NEBL: variants seen among roughly 807,000 people sequenced by gnomAD.
NEBL encodes nebulette.
A neutral mutation model predicts 140.2 loss-of-function variants in NEBL; 122 were observed. The ratio of observed to expected loss-of-function variants is 0.87; its 90% CI spans 0.75 to 1.01. The LOEUF (loss-of-function observed/expected upper bound fraction) is 1.01. NEBL is among the 50% of genes least tolerant of loss of function. The pLI, the probability that NEBL is intolerant of heterozygous loss-of-function variation, is 0.00. For missense variants in NEBL, 1,365 were observed against 1,231.3 expected, an observed-to-expected ratio of 1.11 and a Z score of -1.62; for synonymous variants, 436 against 398.9, an observed-to-expected ratio of 1.09 and a Z score of -1.11.
intron 2 of NEBL, among the ~76,000 whole-genome samples, chr10:21,045,717 G>A (rs1371185553): frequency 6.6e-6 from 1 of 152,162 alleles, no homozygotes; most frequent in Non-Finnish European, 1.5e-5. Flanking sequence ...GACAACACAT[G>A]TTGGCAAGGA....
chr10:21,218,269 C>A (rs946798919), intron 3 of NEBL: 1 of 152,196 alleles, frequency 6.6e-6, no homozygotes, highest in Non-Finnish European at 1.5e-5. Context: ...CCAGCCCCAC[C>A]GTTACCATCG....
chr10:21,255,857 C>A (rs1298189418), intron 1 of NEBL, among the ~76,000 whole-genome samples: 1 of 151,518 alleles, frequency 6.6e-6, no homozygotes, highest in African/African-American at 2.4e-5. Flanking sequence ...ATTAGCCAGG[C>A]GTGGGTCCCA....
At chr10:20,959,109 G>A (rs1835937431) in intron 4 of NEBL, among the ~76,000 whole-genome samples, 1 of 152,104 alleles carries the variant, frequency 6.6e-6, no homozygotes. Context: ...AGGCAGCTAA[G>A]AAAGAGCCAC....
intron 2 of NEBL, among the ~76,000 whole-genome samples, chr10:21,082,461 G>C (rs1836410630): frequency 6.8e-6 from 1 of 147,678 alleles, no homozygotes; most frequent in South Asian, 2.2e-4. Flanking sequence ...ACTTTCAAGT[G>C]ATTTCAGGAA....
chr10:21,277,931 A>C (rs1224825841), intron 1 of NEBL, among the ~76,000 whole-genome samples: 1 of 152,136 alleles, frequency 6.6e-6, no homozygotes, highest in African/African-American at 2.4e-5. Flanking sequence ...AACTGGGAGT[A>C]ATTATAGCAC....
At chr10:20,819,202 T>C in intron 20 of NEBL, 1 of 882,524 alleles carries the variant, frequency 1.1e-6, no homozygotes, top group Non-Finnish European at 1.6e-6. Flanking sequence ...CTTTTCCGGA[T>C]CCTCTCCCTC....
chr10:21,103,590 A>T (rs538503920), intron 2 of NEBL, among the ~76,000 whole-genome samples: 1 of 152,196 alleles, frequency 6.6e-6, no homozygotes, highest in Non-Finnish European at 1.5e-5. Context: ...TATCTACTTA[A>T]TGACTAATGA....
chr10:21,222,947 G>A (rs1330726147), intron 3 of NEBL, among the ~76,000 whole-genome samples: 2 of 152,194 alleles, frequency 1.3e-5, no homozygotes, highest in East Asian at 1.9e-4. Context: ...ATTTTTAGTA[G>A]AGACAGGGTT....
chr10:21,047,688 GA>G (rs1322701501), intron 2 of NEBL, among the ~76,000 whole-genome samples: 3 of 152,088 alleles, frequency 2.0e-5, no homozygotes, highest in African/African-American at 7.2e-5. Flanking sequence ...AAAATAACCT[GA>G]ACAACTATTG....
Position 20,897,279 on chromosome 10 carries a change from A to G in NEBL, c.-74T>C. The G allele has an allele frequency of 1.6e-5, 25 of 1,518,494 alleles. No homozygotes were observed. The highest frequency in any genetic ancestry group is 2.1e-5 in the Non-Finnish European group (24 of 1,141,256). 94.1% of individuals were successfully genotyped at this position (1,518,494 alleles called of 1,614,324 possible). ...CCTTTTCCATACCACAGTGCCCTTGAGATGCTGACGTCTCTGGTGCTCTGG... is the reference window on the plus strand; with the variant it reads ...CCTTTTCCATACCACAGTGCCCTTGGGATGCTGACGTCTCTGGTGCTCTGG... On this transcript the variant is annotated 5_prime_UTR_variant, in exon 1 of 28. Transcript: ENST00000377122.
intron 2 of NEBL, among the ~76,000 whole-genome samples, chr10:21,047,835 G>A (rs1017803634): frequency 5.3e-5 from 8 of 152,250 alleles, no homozygotes; most frequent in South Asian, 2.1e-4. Context: ...CCGCATGCCC[G>A]AGCAATATTG....
chr10:20,976,337 TAAAA>T (rs34974239), intron 3 of NEBL, among the ~76,000 whole-genome samples: 2 of 131,476 alleles, frequency 1.5e-5, no homozygotes, highest in African/African-American at 5.6e-5. Context: ...GACTCTATAT[TAAAA>T]AAAAAAAAAA....
intron 2 of NEBL, among the ~76,000 whole-genome samples, chr10:21,101,377 A>G (rs1051354631): frequency 2.0e-5 from 3 of 152,208 alleles, no homozygotes; most frequent in Non-Finnish European, 4.4e-5. Flanking sequence ...CTCTGGCTAA[A>G]ACAATCCACG....
At chr10:20,797,619 A>G (rs752516467) in intron 26 of NEBL, among the ~76,000 whole-genome samples, 2 of 152,184 alleles carry the variant, frequency 1.3e-5, no homozygotes, top group Admixed American at 6.5e-5. Flanking sequence ...AGAGGGCCCA[A>G]ATTCTCTATG....
intron 3 of NEBL, among the ~76,000 whole-genome samples, chr10:21,216,580 G>A (rs1307268854): frequency 6.6e-6 from 1 of 152,088 alleles, no homozygotes; most frequent in Non-Finnish European, 1.5e-5. Context: ...ATACCAGCCT[G>A]GCCAACACAG....
At chr10:20,943,811 A>C (rs1273069700) in intron 4 of NEBL, among the ~76,000 whole-genome samples, 1 of 152,188 alleles carries the variant, frequency 6.6e-6, no homozygotes, top group East Asian at 1.9e-4. Flanking sequence ...TGACTTTAAG[A>C]GTCAAAGGTA....
At chr10:21,259,036 T>C (rs987317283) in intron 1 of NEBL, among the ~76,000 whole-genome samples, 2 of 151,968 alleles carry the variant, frequency 1.3e-5, no homozygotes, top group African/African-American at 4.8e-5. Context: ...GTTTGCCCAG[T>C]AGTGGTGATA....
chr10:20,892,911 T>C (rs948410886), intron 2 of NEBL, among the ~76,000 whole-genome samples: 1 of 152,216 alleles, frequency 6.6e-6, no homozygotes, highest in African/African-American at 2.4e-5. Context: ...AATGGCTCCA[T>C]CATTATTTAA....
At chr10:20,819,268 C>G in intron 20 of NEBL, 156 bp downstream of exon 20, 1 of 1,245,388 alleles carries the variant, frequency 8.0e-7, no homozygotes, top group African/African-American at 1.5e-5. Flanking sequence ...CTCTATGTGT[C>G]CATGTATTCT....
Sources: allele counts gnomAD v4.1 joint callset (sites outside exome capture counted in the v4.1 genomes callset), GRCh38; gene constraint gnomAD v4.1.1; transcripts MANE v1.5; gene names NCBI Gene and HGNC (gene_info 2026-07-23, HGNC 2026-07-21).